TARDBP: variants seen among roughly 807,000 people sequenced by gnomAD.
TARDBP encodes TAR DNA binding protein.
In TARDBP, 4 loss-of-function variants were observed where a neutral mutation model predicts 38.3. That is an observed-to-expected ratio of 0.10 (90% CI 0.05 to 0.24). The LOEUF is 0.24. Ranked by LOEUF, TARDBP falls within the 10% of genes least tolerant of loss-of-function variation. The probability of loss-of-function intolerance (pLI) is 1.00; values close to 1 mark genes in which losing one functional copy is unlikely to be tolerated. For synonymous variants in TARDBP, 184 were observed against 183.8 expected (o/e 1.00, Z -0.01); for missense variants, 202 against 521.9 (o/e 0.39, Z 5.97).
chr1:11,022,735 CAT>C lies in TARDBP; in HGVS notation c.*84_*85del. On this transcript the variant is annotated 3_prime_UTR_variant, in exon 6 of 6. Coordinates refer to ENST00000240185, the MANE Select transcript of TARDBP (RefSeq NM_007375.4). The surrounding 1 kb of genome is among the most constrained non-coding windows in gnomAD (Gnocchi z 4.5). ...CTCATGGTAAGTATATTGTAAAATA[CAT>C]ATGTACTAAGAATTTTCAAAATTGG... 3 of 1,525,350 alleles carry C rather than the reference CAT, an allele frequency of 2.0e-6. No individual in the cohort carries two copies. The highest frequency in any genetic ancestry group is 2.6e-6 in the Non-Finnish European group (3 of 1,138,540). 94.5% of individuals were successfully genotyped at this position (1,525,350 alleles called of 1,614,324 possible).
chr1:11,021,091 A>G (rs1283963670), intron 5 of TARDBP, among the ~76,000 whole-genome samples: 1 of 152,106 alleles, frequency 6.6e-6, no homozygotes, highest in Non-Finnish European at 1.5e-5. Context: ...CTAAAAGTAA[A>G]TATGCCTTTA....
At chr1:11,020,295 A>C in intron 4 of TARDBP, 134 bp from the exon 5 acceptor site, 1 of 1,032,664 alleles carries the variant, frequency 9.7e-7, no homozygotes, top group South Asian at 1.4e-5. Flanking sequence ...GATGGAAAAA[A>C]TTAAGGGTAC....
Position 11,023,093 on chromosome 1 carries a change from T to G in TARDBP, c.*439T>G. On this transcript the variant is annotated 3_prime_UTR_variant, in exon 6 of 6. Coordinates refer to ENST00000240185, the MANE Select transcript of TARDBP (RefSeq NM_007375.4). The stretch of plus-strand genomic sequence containing the variant: ...CTTAAGAAAATCTCCTTTTAGGAGA[T>G]CATGGTGTCACAGTGTTTGGTTCTT... 6.6e-7 allele frequency: 1 copy of G among 1,509,512 alleles called. No individual in the cohort carries two copies. Among genetic ancestry groups the G allele is most frequent in the South Asian group, 1.3e-5 (1 of 77,918 alleles). 93.5% of individuals were successfully genotyped at this position (1,509,512 alleles called of 1,614,324 possible). A position where few individuals can be genotyped will look rare whatever the true frequency, so the allele number is the denominator to read the frequency against.
At chr1:11,027,684 A>T (rs759049876), downstream of TARDBP, 10 of 1,538,346 alleles carry the variant, frequency 6.5e-6, no homozygotes, top group African/African-American at 1.4e-5. Context: ...GAGCCTTTGT[A>T]AAAATGTCAA....
At chr1:11,027,779 A>G (rs1643765059), downstream of TARDBP, 3 of 836,146 alleles carry the variant, frequency 3.6e-6, no homozygotes, top group Non-Finnish European at 5.6e-6. Context: ...GTGGGTGACT[A>G]CCTATACAGG....
intron 2 of TARDBP, among the ~76,000 whole-genome samples, chr1:11,014,811 C>T (rs1021705710): frequency 6.6e-6 from 1 of 152,134 alleles, no homozygotes; most frequent in Non-Finnish European, 1.5e-5. Flanking sequence ...GTGGTGGGTG[C>T]CTGTAATACT....
chr1:11,023,116 C>G lies in TARDBP; in HGVS notation c.*462C>G. On this transcript the variant is annotated 3_prime_UTR_variant, in exon 6 of 6. Transcript: ENST00000240185. The stretch of plus-strand genomic sequence containing the variant: ...GATCATGGTGTCACAGTGTTTGGTT[C>G]TTTTGTTTTGTTTTTTAACACTTGT... 1 of 1,532,718 alleles carries G rather than the reference C, an allele frequency of 6.5e-7. No homozygotes were observed. Among genetic ancestry groups the G allele is most frequent in the Non-Finnish European group, 8.8e-7 (1 of 1,135,340 alleles). The allele number at this position is 1,532,718 out of a possible 1,614,324, so 94.9% of individuals were successfully genotyped here. A position where few individuals can be genotyped will look rare whatever the true frequency, so the allele number is the denominator to read the frequency against.
chr1:11,029,280 G>A (rs1292180874), downstream of TARDBP, among the ~76,000 whole-genome samples: 2 of 151,364 alleles, frequency 1.3e-5, no homozygotes, highest in Admixed American at 6.6e-5. Context: ...GATTACAGGC[G>A]TGAGCCACCA....
rs1254762366 is a variant in TARDBP at position 11,022,914 on chromosome 1, C to T, written c.*260C>T. On this transcript the variant is annotated 3_prime_UTR_variant, in exon 6 of 6. Transcript: ENST00000240185. This position sits in a 1 kb window ranked among gnomAD's most constrained non-coding sequence, Gnocchi z 4.5. ...GCTGTTTGCCTGATTGGTAAACCAACACACTACAATTGATATCAAAAGGTT... is the reference window on the plus strand; with the variant it reads ...GCTGTTTGCCTGATTGGTAAACCAATACACTACAATTGATATCAAAAGGTT... 2 of 1,365,194 alleles carry T rather than the reference C, an allele frequency of 1.5e-6. No individual in the cohort carries two copies. The highest frequency in any genetic ancestry group is 1.9e-6 in the Non-Finnish European group (2 of 1,060,708). The allele number at this position is 1,365,194 out of a possible 1,614,324, so 84.6% of individuals were successfully genotyped here.
At chr1:11,020,107 G>A (rs971411849) in intron 4 of TARDBP, among the ~76,000 whole-genome samples, 3 of 148,086 alleles carry the variant, frequency 2.0e-5, no homozygotes, top group African/African-American at 7.5e-5. Flanking sequence ...TGATCCACCC[G>A]CCTCGGCCTC....
chr1:11,020,750 C>G (rs975032739), intron 5 of TARDBP, 151 bp downstream of exon 5: 3 of 501,302 alleles, frequency 6.0e-6, no homozygotes, highest in Non-Finnish European at 1.0e-5. Flanking sequence ...TATTAAAATA[C>G]AAAAAAAAAA....
At chr1:11,016,084 C>G (rs1003396155) in intron 2 of TARDBP, 3 of 152,168 alleles carry the variant, frequency 2.0e-5, no homozygotes, top group African/African-American at 7.2e-5. Context: ...ATTACAGGCA[C>G]CTGCCACCAC....
chr1:11,029,800 G>A (rs964073378), downstream of TARDBP: 12 of 163,458 alleles, frequency 7.3e-5, no homozygotes, highest in South Asian at 1.6e-4. Flanking sequence ...CACCACACCC[G>A]GCTAATTTTG....
chr1:11,027,208 AACCC>A (rs1557664259), downstream of TARDBP: 12 of 1,614,214 alleles, frequency 7.4e-6, no homozygotes, highest in Non-Finnish European at 1.0e-5. Context: ...CTAGCAAGAA[AACCC>A]CTTTGGGTTA....
At chr1:11,020,210 T>C (rs554956953) in intron 4 of TARDBP, among the ~76,000 whole-genome samples, 10 of 152,328 alleles carry the variant, frequency 6.6e-5, no homozygotes, top group African/African-American at 2.4e-4. Context: ...TCCATCATTA[T>C]GTGATGCATG....
At chr1:11,029,786 G>A (rs1176014371), downstream of TARDBP, 2 of 161,434 alleles carry the variant, frequency 1.2e-5, no homozygotes, top group Non-Finnish European at 2.7e-5. Context: ...TTACAGGCAT[G>A]TACCACCACA....
intron 3 of TARDBP, 103 bp from the exon 4 acceptor site, chr1:11,018,630 A>C: frequency 1.3e-6 from 2 of 1,542,890 alleles, no homozygotes; most frequent in Admixed American, 1.7e-5. Flanking sequence ...AAGCCACTGC[A>C]TCCAGTTGAA....
chr1:11,027,918 T>C (rs1643767143), downstream of TARDBP, among the ~76,000 whole-genome samples: 1 of 152,148 alleles, frequency 6.6e-6, no homozygotes, highest in Admixed American at 6.6e-5. Flanking sequence ...CTAAAATAAT[T>C]TGGTCTATAA....
Position 11,023,126 on chromosome 1 carries a change from GTTTTT to G in TARDBP, c.*474_*478del, listed in dbSNP as rs922927696. ...TCACAGTGTTTGGTTCTTTTGTTTT[GTTTTT>G]TAACACTTGTCTCCCCTCATACACA... On this transcript the variant is annotated 3_prime_UTR_variant, in exon 6 of 6. Coordinates refer to ENST00000240185, the MANE Select transcript of TARDBP (RefSeq NM_007375.4). The G allele has an allele frequency of 2.0e-6, 3 of 1,536,446 alleles. No individual in the cohort carries two copies. In the African/African-American group the frequency reaches 4.1e-5, roughly 21 times the overall value.
Sources: gnomAD v4.1 joint callset for allele counts (sites outside exome capture counted in the v4.1 genomes callset) on GRCh38, gnomAD v4.1.1 for gene constraint, Gnocchi (gnomAD v3.1) non-coding constraint, MANE v1.5 for transcripts, NCBI Gene and HGNC (gene_info 2026-07-23, HGNC 2026-07-21) for gene names.